ZNF385D: variants seen among roughly 807,000 people sequenced by gnomAD.
The protein encoded by ZNF385D is zinc finger protein 659.
In ZNF385D, 15 loss-of-function variants were observed where a neutral mutation model predicts 35.8. The ratio of observed to expected loss-of-function variants is 0.42; its 90% CI spans 0.28 to 0.64. The LOEUF is 0.64. Among genes scored for constraint, ZNF385D ranks in the 30% least tolerant of loss-of-function variants. The probability of loss-of-function intolerance (pLI) is 0.23; values close to 1 mark genes in which losing one functional copy is unlikely to be tolerated. For synonymous variants in ZNF385D, 212 were observed against 186.8 expected, an observed-to-expected ratio of 1.13 and a Z score of -1.10; for missense variants, 474 against 494.6, an observed-to-expected ratio of 0.96 and a Z score of 0.39.
chr3:21,716,291 A>T (rs1331256548), intron 1 of ZNF385D, among the ~76,000 whole-genome samples: 2 of 152,134 alleles, frequency 1.3e-5, no homozygotes, highest in African/African-American at 4.8e-5. Flanking sequence ...TTTATTCCTC[A>T]GAAACTGCCA....
intron 4 of ZNF385D, among the ~76,000 whole-genome samples, chr3:21,486,545 A>G (rs1445851798): frequency 6.6e-6 from 1 of 152,176 alleles, no homozygotes; most frequent in Non-Finnish European, 1.5e-5. Flanking sequence ...AATGCTTGCA[A>G]TATTTCTTTG....
chr3:21,567,300 G>T (rs530399148), intron 2 of ZNF385D, among the ~76,000 whole-genome samples: 1 of 152,180 alleles, frequency 6.6e-6, no homozygotes, highest in South Asian at 2.1e-4. Context: ...GCGGTATGAA[G>T]GGCCACAGGA....
chr3:21,442,073 A>C (rs111859015), intron 4 of ZNF385D, among the ~76,000 whole-genome samples: 39 of 152,340 alleles, frequency 2.6e-4, no homozygotes, highest in African/African-American at 8.4e-4. Context: ...AAAGTGGCCC[A>C]TTTGTGACCT....
chr3:21,963,893 GAACT>G (rs573983260), intron 3 of ZNF385D, among the ~76,000 whole-genome samples: 43 of 152,146 alleles, frequency 2.8e-4, no homozygotes, highest in Non-Finnish European at 4.9e-4. Context: ...AGAAATACAA[GAACT>G]AACTCAGAGC....
At chr3:22,369,637 T>C (rs12638680) in intron 2 of ZNF385D, among the ~76,000 whole-genome samples, 33,315 of 152,162 alleles carry the variant, frequency 0.22, 4,092 homozygotes, top group Non-Finnish European at 0.28. Flanking sequence ...ATTAATAGCA[T>C]TAGCATCCCA....
chr3:21,915,451 A>T (rs1700149012), intron 3 of ZNF385D, among the ~76,000 whole-genome samples: 1 of 152,136 alleles, frequency 6.6e-6, no homozygotes, highest in African/African-American at 2.4e-5. Context: ...TTTAATGTAG[A>T]TGTATCTCAT....
At chr3:22,151,625 T>C (rs752818127) in intron 3 of ZNF385D, among the ~76,000 whole-genome samples, 2 of 152,114 alleles carry the variant, frequency 1.3e-5, no homozygotes, top group Non-Finnish European at 2.9e-5. Context: ...CAGTGTTTGC[T>C]CTATTAAGGA....
intron 3 of ZNF385D, among the ~76,000 whole-genome samples, chr3:21,951,866 AG>A (rs1298023576): frequency 6.6e-6 from 1 of 151,768 alleles, no homozygotes; most frequent in African/African-American, 2.4e-5. Context: ...AAGAATAGAA[AG>A]AAAAACTTTC....
intron 3 of ZNF385D, among the ~76,000 whole-genome samples, chr3:21,545,653 CTGT>C (rs1177934049): frequency 6.6e-6 from 1 of 152,050 alleles, no homozygotes; most frequent in Non-Finnish European, 1.5e-5. Context: ...TGGAAAAAAA[CTGT>C]TATTTTATCA....
Position 21,958,641 on chromosome 3 carries a change from C to G in ZNF385D, c.325+210176G>C, listed in dbSNP as rs114073943. Among the ~76,000 whole-genome samples, 286 of 152,176 alleles carry G rather than the reference C, an allele frequency of 1.9e-3. 3 individuals are homozygous for G. Among genetic ancestry groups the G allele is most frequent in the African/African-American group, 6.5e-3 (271 of 41,530 alleles). Reference sequence around the variant, plus strand: ...CCTGTAATATAATCCCAGGGTAGAACTAGATTCTATCGCCAAATTCTATTA... The same window carrying G: ...CCTGTAATATAATCCCAGGGTAGAAGTAGATTCTATCGCCAAATTCTATTA... On this transcript the variant is annotated intron_variant, in intron 3 of 5. Coordinates refer to the ZNF385D transcript ENST00000494108.
intron 2 of ZNF385D, among the ~76,000 whole-genome samples, chr3:22,263,445 T>G (rs114473926): frequency 0.024 from 3,723 of 152,162 alleles, 69 homozygotes; most frequent in Non-Finnish European, 0.037. Context: ...GAGACTTTCT[T>G]TGACTATTCC....
intron 2 of ZNF385D, among the ~76,000 whole-genome samples, chr3:22,186,151 T>A (rs1227204703): frequency 6.6e-6 from 1 of 152,164 alleles, no homozygotes; most frequent in African/African-American, 2.4e-5. Flanking sequence ...TAATTGGAGT[T>A]AGAAAGTGAG....
At chr3:21,569,783 T>C (rs985834123) in intron 2 of ZNF385D, among the ~76,000 whole-genome samples, 1 of 151,606 alleles carries the variant, frequency 6.6e-6, no homozygotes, top group African/African-American at 2.4e-5. Flanking sequence ...TTGGAAATCA[T>C]CATTCTCAGT....
At chr3:22,357,526 C>T (rs894840523) in intron 2 of ZNF385D, among the ~76,000 whole-genome samples, 2 of 151,824 alleles carry the variant, frequency 1.3e-5, no homozygotes. Flanking sequence ...ATTTTATTTA[C>T]ATTTCTACTG....
chr3:22,249,306 G>T (rs1382347506), intron 2 of ZNF385D, among the ~76,000 whole-genome samples: 1 of 152,158 alleles, frequency 6.6e-6, no homozygotes, highest in Non-Finnish European at 1.5e-5. Context: ...CTTAATAAAT[G>T]TAATGCAAAC....
intron 3 of ZNF385D, among the ~76,000 whole-genome samples, chr3:22,026,605 C>A (rs1056345982): frequency 6.6e-6 from 1 of 152,126 alleles, no homozygotes. Context: ...TGGTCATTTC[C>A]CCAATGCCAG....
chr3:22,318,316 A>G (rs1005166125), intron 2 of ZNF385D, among the ~76,000 whole-genome samples: 8 of 152,226 alleles, frequency 5.3e-5, no homozygotes, highest in African/African-American at 1.9e-4. Context: ...AAGATTGAGA[A>G]AATGGATGAA....
intron 3 of ZNF385D, among the ~76,000 whole-genome samples, chr3:22,088,187 T>C (rs912466547): frequency 6.6e-6 from 1 of 152,198 alleles, no homozygotes; most frequent in Middle Eastern, 3.2e-3. Context: ...CTGCCCATGA[T>C]ATTAGGCTGC....
chr3:21,533,297 A>G (rs2061965907), intron 3 of ZNF385D, among the ~76,000 whole-genome samples: 1 of 151,992 alleles, frequency 6.6e-6, no homozygotes, highest in Non-Finnish European at 1.5e-5. Context: ...ACGTTTCCCC[A>G]CTTAGAAAAC....
Sources: allele counts gnomAD v4.1 joint callset (sites outside exome capture counted in the v4.1 genomes callset), GRCh38; gene constraint gnomAD v4.1.1; transcripts MANE v1.5; gene names NCBI Gene and HGNC (gene_info 2026-07-23, HGNC 2026-07-21).